MYCBP2: variants seen among roughly 807,000 people sequenced by gnomAD.
MYCBP2 encodes the protein MYC binding protein 2.
Under a neutral mutation model 525.3 loss-of-function variants are expected in MYCBP2, and 120 were observed. The ratio of observed to expected loss-of-function variants is 0.23; its 90% CI spans 0.20 to 0.27. MYCBP2 has a LOEUF of 0.27. Among genes scored for constraint, MYCBP2 ranks in the 10% least tolerant of loss-of-function variants. The pLI, the probability that MYCBP2 is intolerant of heterozygous loss-of-function variation, is 1.00. For missense variants in MYCBP2, 4,149 were observed against 5,657.1 expected (o/e 0.73, Z 8.55); for synonymous variants, 1,894 against 1,955.8 (o/e 0.97, Z 0.83).
chr13:77,317,399 A>T (rs983983657), intron 1 of MYCBP2, among the ~76,000 whole-genome samples: 4 of 152,192 alleles, frequency 2.6e-5, no homozygotes, highest in African/African-American at 9.7e-5. Context: ...AGAGCTATGG[A>T]GATGGGAAGC....
At chr13:77,156,020 T>C in intron 46 of MYCBP2, 38 bp downstream of exon 46, 1 of 1,587,268 alleles carries the variant, frequency 6.3e-7, no homozygotes, top group East Asian at 2.2e-5. Flanking sequence ...TTGCAGCCAG[T>C]ATATAGATGT....
chr13:77,087,484 T>C lies in MYCBP2; in HGVS notation c.10875A>G (p.Gln3625=). The C allele has an allele frequency of 1.2e-6, 2 of 1,606,924 alleles. No individual in the cohort carries two copies. The highest frequency in any genetic ancestry group is 1.7e-6 in the Non-Finnish European group (2 of 1,175,702). The change falls in exon 62 of 83, where the codon CAA becomes CAG. Residue 3625 remains glutamine (Q), a splice_region_variant and synonymous_variant. Transcript: ENST00000544440. ...ENKTSKENSE[Q]EKDTRVCEHP... ...CAATCAAAACAAAAATTTCATTTAC[T>C]TGTTCTGAATTTTCTTTGCTTGTTT... is the stretch of plus-strand genomic sequence containing the variant.
At chr13:77,210,604 C>A (rs1474559819) in intron 23 of MYCBP2, among the ~76,000 whole-genome samples, 1 of 152,134 alleles carries the variant, frequency 6.6e-6, no homozygotes, top group Non-Finnish European at 1.5e-5. Flanking sequence ...CTGTATATTT[C>A]TCTACCAGTA....
intron 46 of MYCBP2, among the ~76,000 whole-genome samples, chr13:77,153,953 T>A (rs1464720585): frequency 6.6e-6 from 1 of 152,176 alleles, no homozygotes. Context: ...AGTCATTTTA[T>A]AAGTAAAAAA....
Position 77,289,108 on chromosome 13 carries a change from G to A in MYCBP2, c.379-732C>T, listed in dbSNP as rs375568605. Among the ~76,000 whole-genome samples the A allele has an allele frequency of 1.2e-4, 18 of 152,012 alleles. No individual in the cohort carries two copies. The South Asian group carries it at 3.7e-3, about 32-fold the overall frequency. On this transcript the variant is annotated intron_variant, in intron 2 of 82. Transcript: ENST00000544440. ...ATTCAACTTCCAATAATTAGAGTAT[G>A]TCCAGGAAGTATCTAAGATAAACAA...
intron 46 of MYCBP2, among the ~76,000 whole-genome samples, chr13:77,153,095 G>A (rs1260631630): frequency 1.3e-5 from 2 of 148,290 alleles, no homozygotes; most frequent in African/African-American, 4.9e-5. Context: ...AAAATCTGCT[G>A]TATTCACGCA....
At chr13:77,108,917 A>T (rs1770575) in intron 55 of MYCBP2, among the ~76,000 whole-genome samples, 1 of 152,020 alleles carries the variant, frequency 6.6e-6, no homozygotes, top group African/African-American at 2.4e-5. Flanking sequence ...GTTAGCCAGG[A>T]TGGTCGACCT....
rs915830991 is a variant in MYCBP2, at chr13:77,272,904, C to T, written c.945+568G>A. 1.1e-4 allele frequency among the ~76,000 whole-genome samples: 17 copies of T among 152,146 alleles called. No individual in the cohort carries two copies. In the East Asian group the frequency reaches 1.5e-3, roughly 14 times the overall value. On this transcript the variant is annotated intron_variant, in intron 5 of 82. Transcript: ENST00000544440. ...TTCTTTCTCAATTTCCAGAGCCTTC[C>T]CAAATAATTAAGTCAAGTTTGCCTA...
chr13:77,287,143 T>C (rs1266461899), intron 3 of MYCBP2, among the ~76,000 whole-genome samples: 2 of 150,314 alleles, frequency 1.3e-5, no homozygotes, highest in Non-Finnish European at 3.0e-5. Flanking sequence ...CGCCTTGGCC[T>C]CCCAAAGAGC....
At position 77,067,654 on chromosome 13, in the gene MYCBP2, T is replaced by C. The variant is rs138869496; in HGVS notation, c.12382A>G (p.Ile4128Val). ...TVQLKAKGTT[I>V]TGTAGTTVGK... is the part of the protein sequence containing the mutation. ...ACAGTGGTACCAGCTGTTCCAGTGA[T>C]GGTGGTTCCTTTGGCTTTTAGCTGT... Residue 4128 changes from isoleucine (I) to valine (V), a missense_variant, in exon 71 of 83, where the codon ATC (isoleucine) becomes GTC (valine). Physicochemically the swap from Ile to Val is conservative, Grantham distance 29 (BLOSUM62 3). Coordinates refer to ENST00000544440, the MANE Select transcript of MYCBP2 (RefSeq NM_015057.5). 2.2e-4 allele frequency: 357 copies of C among 1,614,182 alleles called. 4 individuals are homozygous for C. The South Asian group carries it at 2.6e-3, about 12-fold the overall frequency.
At chr13:77,277,616 C>T (rs373842786) in intron 4 of MYCBP2, among the ~76,000 whole-genome samples, 323 of 152,266 alleles carry the variant, frequency 2.1e-3, no homozygotes, top group Non-Finnish European at 3.1e-3. Flanking sequence ...AAAAAAAGGA[C>T]CAAGTTTTAG....
At chr13:77,134,284 C>T (rs113381176) in intron 52 of MYCBP2, among the ~76,000 whole-genome samples, 6,747 of 152,154 alleles carry the variant, frequency 0.044, 512 homozygotes, top group African/African-American at 0.15. Flanking sequence ...AATCCCAGCA[C>T]TGTGGGAAGC....
chr13:77,204,555 C>T (rs1434919919), intron 26 of MYCBP2, among the ~76,000 whole-genome samples: 1 of 107,338 alleles, frequency 9.3e-6, no homozygotes, highest in African/African-American at 3.7e-5. Context: ...TGGGTATATA[C>T]CCAAAGGACT....
intron 46 of MYCBP2, among the ~76,000 whole-genome samples, chr13:77,154,485 T>A (rs1204620667): frequency 6.7e-6 from 1 of 149,652 alleles, no homozygotes; most frequent in Non-Finnish European, 1.5e-5. Flanking sequence ...AAAGATGAAG[T>A]CTGACTTTCA....
At chr13:77,144,175 G>A (rs1374036719) in intron 49 of MYCBP2, 1 of 414,722 alleles carries the variant, frequency 2.4e-6, no homozygotes, top group Non-Finnish European at 4.4e-6. Context: ...GGTAACAGCA[G>A]CGTGGAAGAG....
At position 77,326,398 on chromosome 13, in the gene MYCBP2, C is replaced by T; in HGVS notation, c.302+76G>A. The T allele has an allele frequency of 1.4e-6, 2 of 1,396,130 alleles. No homozygotes were observed. The highest frequency in any genetic ancestry group is 9.5e-7 in the Non-Finnish European group (1 of 1,050,460). 86.5% of individuals were successfully genotyped at this position (1,396,130 alleles called of 1,614,324 possible). A position where few individuals can be genotyped will look rare whatever the true frequency, so the allele number is the denominator to read the frequency against. On this transcript the variant is annotated intron_variant, in intron 1 of 82. Transcript: ENST00000544440. This position sits in a 1 kb window ranked among gnomAD's most constrained non-coding sequence, Gnocchi z 4.2. ...AGGTACACACACGCAAGCACACACA[C>T]ACGCGGGTGCACGCGCGGCATGGGG...
At chr13:77,103,325 A>G (rs1456272931) in intron 55 of MYCBP2, 1 of 397,446 alleles carries the variant, frequency 2.5e-6, no homozygotes, top group Admixed American at 4.4e-5. Context: ...AGTGGAAAAC[A>G]TTGGCAAAGA....
Position 77,098,614 on chromosome 13 carries a change from T to G in MYCBP2, c.8540A>C (p.Asp2847Ala). 1 of 1,613,642 alleles carries G rather than the reference T, an allele frequency of 6.2e-7. No individual in the cohort carries two copies. Among genetic ancestry groups the G allele is most frequent in the Non-Finnish European group, 8.5e-7 (1 of 1,179,790 alleles). Reference protein sequence around the residue: ...ASSPRSSSPHDKNLPQKSTAP... With the variant: ...ASSPRSSSPHAKNLPQKSTAP... ...AGTACTTTTTTGAGGTAGATTTTTA[T>G]CATGTGGTGAGGAGGAGCGTGGAGA... Residue 2847 changes from aspartate to alanine, a missense_variant, in exon 56 of 83, where the codon GAT (aspartate) becomes GCT (alanine). Asp to Ala is a moderately radical substitution (Grantham distance 126). Transcript: ENST00000544440.
At chr13:77,174,819 G>A (rs2059455077) in intron 36 of MYCBP2, among the ~76,000 whole-genome samples, 1 of 139,380 alleles carries the variant, frequency 7.2e-6, no homozygotes, top group Non-Finnish European at 1.5e-5. Context: ...CACGCAGCTA[G>A]TAAGTGATGG....
Sources: allele counts gnomAD v4.1 joint callset (sites outside exome capture counted in the v4.1 genomes callset), GRCh38; gene constraint gnomAD v4.1.1; non-coding constraint Gnocchi (gnomAD v3.1); transcripts MANE v1.5; gene names NCBI Gene and HGNC (gene_info 2026-07-23, HGNC 2026-07-21).